The following CFTR variants were observed in gnomAD, a reference collection of about 807,000 sequenced individuals.
CFTR encodes cystic fibrosis transmembrane conductance regulator.
CFTR carries 181 observed loss-of-function variants against 171.6 expected under a neutral mutation model. The observed-to-expected ratio is 1.05, with a 90% CI of 0.93 to 1.19. CFTR has a LOEUF of 1.19. Among genes scored for constraint, CFTR ranks in the 50% most tolerant of loss-of-function variants. The pLI is 0.00. For missense variants in CFTR, 1,968 were observed against 1,734.7 expected (o/e 1.13, Z -2.39); for synonymous variants, 583 against 608.0 (o/e 0.96, Z 0.60).
intron 20 of CFTR, among the ~76,000 whole-genome samples, chr7:117,612,054 C>CATATAT (rs1295752704): frequency 4.3e-5 from 2 of 46,518 alleles, no homozygotes; most frequent in South Asian, 6.0e-4. Context: ...TATATATATA[C>CATATAT]ATATATATAT....
intron 3 of CFTR, among the ~76,000 whole-genome samples, chr7:117,519,177 A>G (rs977227671): frequency 6.6e-6 from 1 of 152,172 alleles, no homozygotes; most frequent in African/African-American, 2.4e-5. Flanking sequence ...TAGGTGTGGT[A>G]TATGTGTATT....
chr7:117,547,036 T>A (rs1799158522), intron 9 of CFTR, among the ~76,000 whole-genome samples: 2 of 152,208 alleles, frequency 1.3e-5, no homozygotes, highest in African/African-American at 4.8e-5. Context: ...ATGTTTGAAG[T>A]AGTTTCTAAC....
At position 117,603,531 on chromosome 7, in the gene CFTR, G is replaced by A; in HGVS notation, c.2658-1G>A. The A allele has an allele frequency of 6.2e-7, 1 of 1,613,842 alleles. No individual in the cohort carries two copies. The highest frequency in any genetic ancestry group is 8.5e-7 in the Non-Finnish European group (1 of 1,179,876). On this transcript the variant is annotated splice_acceptor_variant, in intron 16 of 26. Coordinates refer to ENST00000003084, the MANE Select transcript of CFTR (RefSeq NM_000492.4). LOFTEE classifies it high-confidence loss of function. ...ATAACGATTTCCTATTTGCTTTACA[G>A]CACTCCTCTTCAAGACAAAGGGAAT...
intron 21 of CFTR, among the ~76,000 whole-genome samples, chr7:117,619,646 A>G (rs1051958559): frequency 6.6e-6 from 1 of 151,256 alleles, no homozygotes; most frequent in Admixed American, 6.6e-5. Flanking sequence ...TGTTTCTTTA[A>G]TTCTCCAAGT....
chr7:117,627,525 C>T lies in CFTR; in HGVS notation c.3472C>T (p.Arg1158Ter), dbSNP rs79850223. The change falls in exon 22 of 27, where the codon CGA becomes TGA. Residue 1158 changes from arginine (R) to a stop codon, truncating the protein, a stop_gained. Transcript: ENST00000003084. LOFTEE classifies it high-confidence loss of function. ...NSSIDVDSLM[R>*]SVSRVFKFID... ...AATGTTGTTATTTTTATTTCAGATG[C>T]GATCTGTGAGCCGAGTCTTTAAGTT... The T allele has an allele frequency of 2.8e-5, 45 of 1,612,844 alleles. No homozygotes were observed. Among genetic ancestry groups the T allele is most frequent in the Middle Eastern group, 1.6e-4 (1 of 6,078 alleles).
At position 117,539,830 on chromosome 7, in the gene CFTR, T is replaced by A. The variant is rs532798115; in HGVS notation, c.870-270T>A. Among the ~76,000 whole-genome samples the A allele has an allele frequency of 2.8e-4, 42 of 151,200 alleles. No homozygotes were observed. In the South Asian group the frequency reaches 8.5e-3, roughly 31 times the overall value. ...TAATAACAAATTATTAATTATAATT[T>A]AAAAATAATATTTATAATTTAAAAA... is the stretch of plus-strand genomic sequence containing the variant. On this transcript the variant is annotated intron_variant, in intron 7 of 26. Coordinates refer to ENST00000003084, the MANE Select transcript of CFTR (RefSeq NM_000492.4).
At position 117,667,113 on chromosome 7, in the gene CFTR, C is replaced by T. The variant is rs1278041789; in HGVS notation, c.*5C>T. On this transcript the variant is annotated 3_prime_UTR_variant, in exon 27 of 27. Transcript: ENST00000003084. The stretch of plus-strand genomic sequence containing the variant: ...GTGCAAGATACAAGGCTTTAGAGAG[C>T]AGCATAAATGTTGACATGGGACATT... 1 of 1,612,914 alleles carries T rather than the reference C, an allele frequency of 6.2e-7. No individual in the cohort carries two copies. The highest frequency in any genetic ancestry group is 2.2e-5 in the East Asian group (1 of 44,814).
At chr7:117,640,539 C>T (rs34674313) in intron 22 of CFTR, among the ~76,000 whole-genome samples, 14 of 152,164 alleles carry the variant, frequency 9.2e-5, no homozygotes, top group African/African-American at 3.4e-4. Flanking sequence ...GCACTTCTTA[C>T]CAAAATTCTT....
At chr7:117,517,980 A>G (rs1413172080) in intron 3 of CFTR, among the ~76,000 whole-genome samples, 1 of 151,854 alleles carries the variant, frequency 6.6e-6, no homozygotes, top group Non-Finnish European at 1.5e-5. Flanking sequence ...GATTGCAAAC[A>G]TTTTCTCCCA....
At chr7:117,502,864 A>T (rs1334689893) in intron 1 of CFTR, among the ~76,000 whole-genome samples, 1 of 152,228 alleles carries the variant, frequency 6.6e-6, no homozygotes, top group Non-Finnish European at 1.5e-5. Flanking sequence ...AACCATACTC[A>T]CTTATTAATA....
intron 1 of CFTR, among the ~76,000 whole-genome samples, chr7:117,497,734 G>T (rs957944105): frequency 3.9e-5 from 6 of 152,072 alleles, no homozygotes; most frequent in Admixed American, 3.3e-4. Context: ...AAGAAAAAGT[G>T]ATTTTATAGA....
chr7:117,522,829 T>C (rs891159343), intron 3 of CFTR, among the ~76,000 whole-genome samples: 4 of 152,086 alleles, frequency 2.6e-5, no homozygotes, highest in African/African-American at 9.7e-5. Flanking sequence ...CCAGTGTTTT[T>C]TCCAAATAAA....
chr7:117,551,718 G>A (rs903602116), intron 10 of CFTR, among the ~76,000 whole-genome samples: 12 of 152,232 alleles, frequency 7.9e-5, no homozygotes, highest in Admixed American at 7.2e-4. Context: ...AATTATTTTA[G>A]TGAAGCAATA....
At chr7:117,590,833 A>G (rs1452445337) in intron 13 of CFTR, among the ~76,000 whole-genome samples, 1 of 152,008 alleles carries the variant, frequency 6.6e-6, no homozygotes, top group Non-Finnish European at 1.5e-5. Flanking sequence ...AAGAAAATAT[A>G]TATGCTAAGT....
In CFTR at chr7:117,548,703, T is replaced by A; in HGVS notation, c.1272T>A (p.Gly424=). 6.2e-7 allele frequency: 1 copy of A among 1,613,460 alleles called. No homozygotes were observed. The highest frequency in any genetic ancestry group is 8.5e-7 in the Non-Finnish European group (1 of 1,179,644). ...QNNNNRKTSN[G]DDSLFFSNFS... is the part of the protein sequence containing the mutation. ...ATAACAATAGAAAAACTTCTAATGG[T>A]GATGACAGCCTCTTCTTCAGTAATT... The change falls in exon 10 of 27, where the codon GGT becomes GGA. Residue 424 remains glycine, a synonymous_variant. Coordinates refer to ENST00000003084, the MANE Select transcript of CFTR (RefSeq NM_000492.4).
At chr7:117,564,676 A>G (rs1791573055) in intron 11 of CFTR, 2 of 167,034 alleles carry the variant, frequency 1.2e-5, no homozygotes, top group African/African-American at 4.8e-5. Context: ...TAGACTTGGA[A>G]CTGGAGATGA....
chr7:117,543,096 C>T (rs1184049314), intron 9 of CFTR, among the ~76,000 whole-genome samples: 2 of 152,158 alleles, frequency 1.3e-5, no homozygotes, highest in African/African-American at 2.4e-5. Flanking sequence ...TTATTGAGCA[C>T]ACCTGTTGAA....
At chr7:117,522,057 T>TTA (rs1798693106) in intron 3 of CFTR, among the ~76,000 whole-genome samples, 1 of 152,174 alleles carries the variant, frequency 6.6e-6, no homozygotes, top group Non-Finnish European at 1.5e-5. Context: ...ACATTTTTAG[T>TTA]CTTCCAAATT....
chr7:117,604,591 T>C (rs35777371), intron 17 of CFTR, among the ~76,000 whole-genome samples: 2,225 of 152,270 alleles, frequency 0.015, 39 homozygotes, highest in African/African-American at 0.033. Context: ...AAGACTAAAA[T>C]TTTCAGAAAT....
Sources: allele counts gnomAD v4.1 joint callset (sites outside exome capture counted in the v4.1 genomes callset), GRCh38; gene constraint gnomAD v4.1.1; transcripts MANE v1.5; gene names NCBI Gene and HGNC (gene_info 2026-07-23, HGNC 2026-07-21).